Variants in ABCB10 observed in about 807,000 individuals in gnomAD.
ABCB10 encodes the protein ATP binding cassette subfamily B member 10.
A neutral mutation model predicts 65.4 loss-of-function variants in ABCB10; 54 were observed. That is an observed-to-expected ratio of 0.83 (90% CI 0.66 to 1.04). ABCB10 has a LOEUF of 1.04. Among genes scored for constraint, ABCB10 ranks in the 50% least tolerant of loss-of-function variants. The probability of loss-of-function intolerance (pLI) is 0.00; values close to 1 mark genes in which losing one functional copy is unlikely to be tolerated. For synonymous variants in ABCB10, 418 were observed against 406.5 expected, an observed-to-expected ratio of 1.03 and a Z score of -0.34; for missense variants, 846 against 976.6, an observed-to-expected ratio of 0.87 and a Z score of 1.78.
chr1:229,527,515 G>A (rs552959463), intron 8 of ABCB10, among the ~76,000 whole-genome samples: 25 of 152,178 alleles, frequency 1.6e-4, no homozygotes, highest in Non-Finnish European at 2.9e-4. Context: ...ATTGTCTCCC[G>A]ATAGTAGCTG....
intron 6 of ABCB10, among the ~76,000 whole-genome samples, chr1:229,538,291 G>A (rs1381185827): frequency 2.6e-5 from 4 of 152,198 alleles, no homozygotes; most frequent in Non-Finnish European, 5.9e-5. Flanking sequence ...GAGGGAAGAG[G>A]AGGGGCTGAG....
At chr1:229,518,443 G>C (rs377675121) in intron 12 of ABCB10, 33 bp from the exon 13 acceptor site, 2 of 1,562,982 alleles carry the variant, frequency 1.3e-6, no homozygotes, top group Middle Eastern at 3.4e-4. Context: ...AGAAAGCAAA[G>C]ACGTCAGTGA....
chr1:229,547,827 C>T (rs1663005878), intron 2 of ABCB10, 126 bp from the exon 3 acceptor site: 4 of 832,280 alleles, frequency 4.8e-6, no homozygotes, highest in African/African-American at 3.4e-5. Context: ...AGCCTCTGAG[C>T]GTGTCTGCTG....
chr1:229,532,577 CTA>C (rs1662610143), intron 6 of ABCB10, among the ~76,000 whole-genome samples: 1 of 150,598 alleles, frequency 6.6e-6, no homozygotes, highest in Non-Finnish European at 1.5e-5. Context: ...CAATGTAATG[CTA>C]TGTTTAAAAA....
chr1:229,555,140 A>C (rs1241780452), intron 1 of ABCB10, among the ~76,000 whole-genome samples: 2 of 152,112 alleles, frequency 1.3e-5, no homozygotes, highest in Admixed American at 6.6e-5. Context: ...GAAGCCCCCC[A>C]CACAAAAAAC....
In ABCB10 at chr1:229,524,844, C is replaced by T. The variant is rs537692046; in HGVS notation, c.1906+1092G>A. ...ATGTGTGACAGCCATCATATGTGAC[C>T]CATAAAACCCACAATTTTTTTTTTT... On this transcript the variant is annotated intron_variant, in intron 10 of 12. Transcript: ENST00000344517. 5.3e-5 allele frequency among the ~76,000 whole-genome samples: 8 copies of T among 152,168 alleles called. 1 individual carries two copies. In the South Asian group the frequency reaches 1.7e-3, roughly 32 times the overall value.
At chr1:229,546,877 G>A (rs1222341025) in intron 3 of ABCB10, among the ~76,000 whole-genome samples, 2 of 151,956 alleles carry the variant, frequency 1.3e-5, no homozygotes, top group Non-Finnish European at 2.9e-5. Context: ...GAGTGAGACT[G>A]TCTCTAAAAA....
At chr1:229,519,067 C>G in intron 11 of ABCB10, 192 bp from the exon 12 acceptor site, 1 of 457,540 alleles carries the variant, frequency 2.2e-6, no homozygotes, top group South Asian at 3.4e-5. Flanking sequence ...ATGTCCACAA[C>G]AGGCACTTCT....
intron 11 of ABCB10, among the ~76,000 whole-genome samples, chr1:229,519,844 G>C (rs1338542127): frequency 6.6e-6 from 1 of 151,742 alleles, no homozygotes. Flanking sequence ...AAATGAGTAA[G>C]GCTGAGTACG....
At position 229,558,056 on chromosome 1, in the gene ABCB10, G is replaced by A. The variant is rs1210174510; in HGVS notation, c.517+80C>T. 7.2e-6 allele frequency: 9 copies of A among 1,247,814 alleles called. No homozygotes were observed. In the East Asian group the frequency reaches 2.3e-4, roughly 33 times the overall value. The allele number at this position is 1,247,814 out of a possible 1,614,324, so 77.3% of individuals were successfully genotyped here. On this transcript the variant is annotated intron_variant, in intron 1 of 12. Transcript: ENST00000344517. ...GTGACACGCGCTCTGCGGCCCGGCC[G>A]TGTCCCTCTCGGCGCCCCGGGACCC... is the stretch of plus-strand genomic sequence containing the variant.
intron 4 of ABCB10, 80 bp from the exon 5 acceptor site, chr1:229,540,832 T>C: frequency 6.9e-7 from 1 of 1,446,668 alleles, no homozygotes; most frequent in Non-Finnish European, 9.2e-7. Flanking sequence ...AAAATGTGGT[T>C]CTCATTTTGT....
At chr1:229,557,709 A>C (rs1214519982) in intron 1 of ABCB10, among the ~76,000 whole-genome samples, 3 of 152,116 alleles carry the variant, frequency 2.0e-5, no homozygotes, top group African/African-American at 7.2e-5. Context: ...ACTCGCTTGA[A>C]GCAAATAATG....
chr1:229,549,739 G>A (rs1403759078), intron 1 of ABCB10, among the ~76,000 whole-genome samples: 3 of 150,708 alleles, frequency 2.0e-5, no homozygotes, highest in Non-Finnish European at 4.4e-5. Context: ...AACCGTTCTG[G>A]CCAGCCCCTT....
At position 229,518,289 on chromosome 1, in the gene ABCB10, C is replaced by G. The variant is rs1343001757; in HGVS notation, c.2107G>C (p.Val703Leu). The G allele has an allele frequency of 6.2e-7, 1 of 1,614,062 alleles. No homozygotes were observed. The highest frequency in any genetic ancestry group is 1.3e-5 in the African/African-American group (1 of 74,926). Residue 703 changes from valine to leucine, a missense_variant, in exon 13 of 13, where the codon GTT (valine) becomes CTT (leucine). This residue lies in a region of ABCB10 where 632 missense variants were observed against 803.2 expected (regional missense o/e 0.79). Transcript: ENST00000344517. ...TCAGTAATTTTTCCTTGGTCAAGAA[C>G]AGCAACCATATTAGCATTCTTAATG... is the stretch of plus-strand genomic sequence containing the variant. The part of the protein sequence containing the change: ...STIKNANMVA[V>L]LDQGKITEYG...
rs773788765 is a variant in ABCB10 at position 229,539,487 on chromosome 1, C to A, written c.1308G>T (p.Met436Ile). 1.2e-6 allele frequency: 2 copies of A among 1,613,844 alleles called. No homozygotes were observed. Among genetic ancestry groups the A allele is most frequent in the African/African-American group, 1.3e-5 (1 of 74,916 alleles). ...MTVGELSSFLMYAFWVGISIG... is the reference protein window; with the variant it reads ...MTVGELSSFLIYAFWVGISIG... ...TGCTTATTCCAACCCAGAAAGCATA[C>A]ATTAGGAAGGAAGAGAGTTCACCCA... The change falls in exon 6 of 13, where the codon ATG becomes ATT. Residue 436 changes from methionine (M) to isoleucine (I), a missense_variant. By Grantham distance (10) the Met-to-Ile change is conservative (BLOSUM62 1). Coordinates refer to ENST00000344517, the MANE Select transcript of ABCB10 (RefSeq NM_012089.3).
At position 229,530,272 on chromosome 1, in the gene ABCB10, T is replaced by C. The variant is rs200978146; in HGVS notation, c.1572A>G (p.Ala524=). Residue 524 remains alanine (A), a synonymous_variant, in exon 8 of 13, where the codon GCA becomes GCG. Transcript: ENST00000344517. ...SLSIPSGSVT[A]LVGPSGSGKS... Reference sequence around the variant, plus strand: ...TGCCAGAACCACTTGGGCCAACCAGTGCCGTGACAGATCCTGACGGAATGG... The same window carrying C: ...TGCCAGAACCACTTGGGCCAACCAGCGCCGTGACAGATCCTGACGGAATGG... 1.9e-6 allele frequency: 3 copies of C among 1,614,148 alleles called. No homozygotes were observed. The highest frequency in any genetic ancestry group is 1.7e-5 in the Admixed American group (1 of 60,024).
At position 229,516,589 on chromosome 1, in the gene ABCB10, C is replaced by T. The variant is rs955344543; in HGVS notation, c.*1590G>A. On this transcript the variant is annotated 3_prime_UTR_variant, in exon 13 of 13. Transcript: ENST00000344517. ...AAAAGTGACAGACACAGATAAAGTT[C>T]ACTATAAATTTTAATCTATGATATA... is the stretch of plus-strand genomic sequence containing the variant. The T allele has an allele frequency of 1.3e-5, 2 of 151,056 alleles. No individual in the cohort carries two copies. The highest frequency in any genetic ancestry group is 1.3e-4 in the Admixed American group (2 of 15,172). The allele number at this position is 151,056 out of a possible 1,614,324, so 9.4% of individuals were successfully genotyped here.
At chr1:229,527,145 A>T in intron 9 of ABCB10, 84 bp downstream of exon 9, 1 of 1,263,806 alleles carries the variant, frequency 7.9e-7, no homozygotes. Context: ...TCTCTTGAGA[A>T]GTTCGAGACA....
Position 229,518,248 on chromosome 1 carries a change from T to C in ABCB10, c.2148A>G (p.Glu716=), listed in dbSNP as rs763766243. ...TCCCATTTGGTTTTGAAAGCAGCTC[T>C]TCATGTTTTCCATATTCAGTAATTT... is the stretch of plus-strand genomic sequence containing the variant. The part of the protein sequence containing the change: ...QGKITEYGKH[E]ELLSKPNGIY... The change falls in exon 13 of 13, where the codon GAA becomes GAG. Residue 716 remains glutamate (E), a synonymous_variant. Transcript: ENST00000344517. The C allele has an allele frequency of 6.2e-7, 1 of 1,614,192 alleles. No homozygotes were observed. Among genetic ancestry groups the C allele is most frequent in the Non-Finnish European group, 8.5e-7 (1 of 1,180,030 alleles).
Sources: allele counts gnomAD v4.1 joint callset (sites outside exome capture counted in the v4.1 genomes callset), GRCh38; gene constraint gnomAD v4.1.1; regional missense constraint gnomAD v4.1.1; transcripts MANE v1.5; gene names NCBI Gene and HGNC (gene_info 2026-07-23, HGNC 2026-07-21).